MGMT: variants seen among roughly 807,000 people sequenced by gnomAD.
MGMT encodes methylated-DNA--protein-cysteine methyltransferase.
A neutral mutation model predicts 15.9 loss-of-function variants in MGMT; 14 were observed. The observed-to-expected ratio is 0.88, with a 90% CI of 0.58 to 1.37. MGMT has a LOEUF of 1.37. Ranked by LOEUF, MGMT falls within the 40% of genes most tolerant of loss-of-function variation. The probability of loss-of-function intolerance (pLI) is 0.00; values close to 1 mark genes in which losing one functional copy is unlikely to be tolerated. For synonymous variants in MGMT, 130 were observed against 118.2 expected (o/e 1.10, Z -0.65); for missense variants, 282 against 268.1 (o/e 1.05, Z -0.36).
In MGMT at chr10:129,522,023, T is replaced by C. The variant is rs1845816211; in HGVS notation, c.-12-14218T>C. 4.6e-5 allele frequency among the ~76,000 whole-genome samples: 7 copies of C among 152,166 alleles called. No individual in the cohort carries two copies. The South Asian group carries it at 1.5e-3, about 32-fold the overall frequency. On this transcript the variant is annotated intron_variant, in intron 1 of 4. Transcript: ENST00000651593. ...GGACCGAGCAGGCAGCAAAGGGCCCTGTGTGCTGAACTGAGCTGCTGGGAC... is the reference window on the plus strand; with the variant it reads ...GGACCGAGCAGGCAGCAAAGGGCCCCGTGTGCTGAACTGAGCTGCTGGGAC...
intron 1 of MGMT, among the ~76,000 whole-genome samples, chr10:129,509,752 A>C (rs942108061): frequency 3.9e-5 from 6 of 152,158 alleles, no homozygotes; most frequent in African/African-American, 1.4e-4. Context: ...GGTCCATTGA[A>C]ATCTATATAT....
intron 2 of MGMT, among the ~76,000 whole-genome samples, chr10:129,695,917 C>A (rs1395584347): frequency 6.6e-6 from 1 of 152,134 alleles, no homozygotes; most frequent in Non-Finnish European, 1.5e-5. Context: ...CGGGCTGTTC[C>A]ATGTGACAGC....
At chr10:129,649,626 G>A (rs1018607537) in intron 2 of MGMT, among the ~76,000 whole-genome samples, 2 of 152,212 alleles carry the variant, frequency 1.3e-5, no homozygotes, top group Non-Finnish European at 2.9e-5. Context: ...CAGGTTGAGA[G>A]AGAGAAAGAG....
At chr10:129,737,929 G>C (rs373074068) in intron 3 of MGMT, among the ~76,000 whole-genome samples, 2 of 152,318 alleles carry the variant, frequency 1.3e-5, no homozygotes, top group African/African-American at 4.8e-5. Context: ...CTGTAGCTGC[G>C]TGCTGGGAGA....
intron 2 of MGMT, among the ~76,000 whole-genome samples, chr10:129,670,897 A>T (rs773663047): frequency 6.6e-6 from 1 of 152,242 alleles, no homozygotes; most frequent in African/African-American, 2.4e-5. Context: ...TGTGAAAATT[A>T]TCTCAATTTA....
chr10:129,603,044 C>G (rs1415152948), intron 2 of MGMT, among the ~76,000 whole-genome samples: 13 of 152,166 alleles, frequency 8.5e-5, no homozygotes, highest in Non-Finnish European at 1.8e-4. Context: ...TATTATAATG[C>G]CCTTGTTATA....
At chr10:129,646,754 A>ATATATATATATATATATATATT in intron 2 of MGMT, among the ~76,000 whole-genome samples, 1 of 86,678 alleles carries the variant, frequency 1.2e-5, no homozygotes, top group African/African-American at 3.9e-5. Context: ...ATATATATAT[A>ATATATATATATATATATATATT]TTTTCAGGGA....
At chr10:129,517,977 G>A (rs1024335342) in intron 1 of MGMT, among the ~76,000 whole-genome samples, 2 of 152,090 alleles carry the variant, frequency 1.3e-5, no homozygotes, top group Admixed American at 6.5e-5. Context: ...TGTGTGGCTC[G>A]GGCCTGCCTG....
chr10:129,520,153 T>G (rs1230544811), intron 1 of MGMT, among the ~76,000 whole-genome samples: 9 of 152,150 alleles, frequency 5.9e-5, no homozygotes, highest in African/African-American at 2.2e-4. Context: ...AAAGATGGGA[T>G]CAGACAAAAC....
chr10:129,468,611 A>G (rs1464970712), intron 1 of MGMT, among the ~76,000 whole-genome samples: 1 of 152,076 alleles, frequency 6.6e-6, no homozygotes, highest in Non-Finnish European at 1.5e-5. Flanking sequence ...TGGGCCAGGC[A>G]CAGTGGGTCA....
chr10:129,616,511 C>T (rs1475554302), intron 2 of MGMT, among the ~76,000 whole-genome samples: 2 of 152,148 alleles, frequency 1.3e-5, no homozygotes, highest in East Asian at 3.9e-4. Context: ...AATCCTCCTC[C>T]CGCCATCCTC....
intron 3 of MGMT, among the ~76,000 whole-genome samples, chr10:129,731,519 C>G (rs868529221): frequency 3.3e-5 from 5 of 151,996 alleles, no homozygotes; most frequent in Middle Eastern, 3.4e-3. Context: ...CCTCCTCAAG[C>G]AGTACAGCTG....
intron 2 of MGMT, among the ~76,000 whole-genome samples, chr10:129,568,371 G>A (rs556041912): frequency 2.6e-5 from 4 of 152,166 alleles, no homozygotes; most frequent in African/African-American, 7.2e-5. Flanking sequence ...ATTCCTCCTC[G>A]TCAGGAGCCC....
intron 3 of MGMT, among the ~76,000 whole-genome samples, chr10:129,754,234 T>C (rs900940112): frequency 6.6e-6 from 1 of 152,170 alleles, no homozygotes; most frequent in Non-Finnish European, 1.5e-5. Context: ...CACAATCTTT[T>C]TGGCACTTTT....
At chr10:129,727,084 C>T (rs1172610533) in intron 3 of MGMT, among the ~76,000 whole-genome samples, 1 of 152,160 alleles carries the variant, frequency 6.6e-6, no homozygotes. Context: ...ATGATGCTAT[C>T]AAGAGAAGAG....
intron 1 of MGMT, among the ~76,000 whole-genome samples, chr10:129,528,915 T>C (rs891962616): frequency 1.3e-5 from 2 of 152,218 alleles, no homozygotes; most frequent in Non-Finnish European, 2.9e-5. Context: ...GCTGCCTGTA[T>C]TGGAGCTTAC....
At chr10:129,731,780 T>A (rs1440106482) in intron 3 of MGMT, among the ~76,000 whole-genome samples, 3 of 152,164 alleles carry the variant, frequency 2.0e-5, no homozygotes, top group African/African-American at 4.8e-5. Context: ...CTTCTGGAAA[T>A]GAGTTTTCCA....
chr10:129,686,216 T>TA (rs537400244), intron 2 of MGMT, among the ~76,000 whole-genome samples: 67 of 146,018 alleles, frequency 4.6e-4, no homozygotes, highest in East Asian at 3.4e-3. Context: ...TAAACAAAGT[T>TA]AAAAAAAAAA....
At chr10:129,617,512 T>G (rs963886055) in intron 2 of MGMT, among the ~76,000 whole-genome samples, 47 of 152,342 alleles carry the variant, frequency 3.1e-4, no homozygotes, top group African/African-American at 1.1e-3. Flanking sequence ...CAAACTGCTT[T>G]CCACAGTGGC....
Sources: gnomAD v4.1 joint callset for allele counts (sites outside exome capture counted in the v4.1 genomes callset) on GRCh38, gnomAD v4.1.1 for gene constraint, MANE v1.5 for transcripts, NCBI Gene and HGNC (gene_info 2026-07-23, HGNC 2026-07-21) for gene names.